CECR2: variants seen among roughly 807,000 people sequenced by gnomAD.
CECR2 encodes chromatin remodeling regulator CECR2.
In CECR2, 30 loss-of-function variants were observed where a neutral mutation model predicts 154.5. That is an observed-to-expected ratio of 0.19 (90% CI 0.15 to 0.26). The LOEUF (loss-of-function observed/expected upper bound fraction) is 0.26. CECR2 is among the 10% of genes least tolerant of loss of function. CECR2 has a pLI of 1.00. For synonymous variants in CECR2, 725 were observed against 683.7 expected, an observed-to-expected ratio of 1.06 and a Z score of -0.94; for missense variants, 1,743 against 1,829.3, an observed-to-expected ratio of 0.95 and a Z score of 0.86.
chr22:17,492,435 G>C (rs73389123), intron 2 of CECR2, among the ~76,000 whole-genome samples: 1 of 152,158 alleles, frequency 6.6e-6, no homozygotes, highest in Non-Finnish European at 1.5e-5. Context: ...GAATCAGGTC[G>C]TGCCGTCCTT....
chr22:17,485,742 C>T (rs1426291764), intron 2 of CECR2, among the ~76,000 whole-genome samples: 1 of 152,066 alleles, frequency 6.6e-6, no homozygotes, highest in Non-Finnish European at 1.5e-5. Context: ...TGCACTCCAG[C>T]CTGGGTAGCA....
chr22:17,545,716 G>A (rs1267457859), intron 16 of CECR2, among the ~76,000 whole-genome samples: 2 of 151,710 alleles, frequency 1.3e-5, no homozygotes, highest in South Asian at 2.1e-4. Flanking sequence ...AGTGGTGGGT[G>A]CCTGTAATCC....
At chr22:17,402,524 A>G (rs1346069850) in intron 1 of CECR2, among the ~76,000 whole-genome samples, 1 of 152,182 alleles carries the variant, frequency 6.6e-6, no homozygotes, top group Non-Finnish European at 1.5e-5. Flanking sequence ...CCAGTCAAAC[A>G]TTATTTATAA....
intron 1 of CECR2, among the ~76,000 whole-genome samples, chr22:17,443,144 CA>C (rs767655669): frequency 6.6e-6 from 1 of 152,104 alleles, no homozygotes; most frequent in Non-Finnish European, 1.5e-5. Context: ...TCTTAAAGGA[CA>C]AACGAAACTT....
intron 1 of CECR2, among the ~76,000 whole-genome samples, chr22:17,461,789 TTAC>T (rs1319877926): frequency 6.7e-6 from 1 of 150,246 alleles, no homozygotes; most frequent in Non-Finnish European, 1.5e-5. Flanking sequence ...GAAGTACCCG[TTAC>T]TTTTTTTTTT....
At chr22:17,403,753 C>CTGT (rs1227414507) in intron 1 of CECR2, among the ~76,000 whole-genome samples, 1 of 152,070 alleles carries the variant, frequency 6.6e-6, no homozygotes, top group Admixed American at 6.6e-5. Flanking sequence ...GTCTATTGAG[C>CTGT]TGTTATATAT....
intron 8 of CECR2, chr22:17,518,641 C>T (rs1263015053): frequency 1.4e-5 from 6 of 442,828 alleles, no homozygotes; most frequent in South Asian, 8.8e-5. Context: ...ACTCCATGCA[C>T]ACAGATTGAA....
At position 17,548,292 on chromosome 22, in the gene CECR2, G is replaced by T. The variant is rs1170806305; in HGVS notation, c.3005G>T (p.Gly1002Val). Residue 1002 changes from glycine to valine, a missense_variant, in exon 17 of 19, where the codon GGC (glycine) becomes GTC (valine). By Grantham distance (109) the Gly-to-Val change is moderately radical. Around this residue, in one of 4 missense-constraint regions of CECR2, gnomAD observed 1,250 missense variants for 1,192.1 expected, o/e 1.05. Transcript: ENST00000262608. ...TCACCACAAGAAAGGGAAACAGTGG[G>T]CCCGGAGCTCAAAAGCAGCTCCTCC... ...QSSPQERETVGPELKSSSSES... is the reference protein window; with the variant it reads ...QSSPQERETVVPELKSSSSES... The T allele has an allele frequency of 9.9e-6, 16 of 1,608,682 alleles. No individual in the cohort carries two copies. Among genetic ancestry groups the T allele is most frequent in the Non-Finnish European group, 1.4e-5 (16 of 1,177,536 alleles).
chr22:17,482,945 T>G (rs970512175), intron 2 of CECR2, among the ~76,000 whole-genome samples: 1 of 152,114 alleles, frequency 6.6e-6, no homozygotes, highest in Middle Eastern at 3.2e-3. Flanking sequence ...CCTCCCAAAG[T>G]GCTGGGATTA....
At chr22:17,383,701 G>A (rs1411762350) in intron 1 of CECR2, among the ~76,000 whole-genome samples, 1 of 108,528 alleles carries the variant, frequency 9.2e-6, no homozygotes, top group Admixed American at 1.4e-4. Context: ...TTGCTCTATT[G>A]CCCAGGCTGG....
intron 13 of CECR2, among the ~76,000 whole-genome samples, chr22:17,539,674 A>G (rs1034196633): frequency 6.6e-6 from 1 of 151,968 alleles, no homozygotes; most frequent in Admixed American, 6.6e-5. Flanking sequence ...ATAAAAATAT[A>G]TATCTATATA....
At chr22:17,515,902 C>T (rs1285232343) in intron 8 of CECR2, among the ~76,000 whole-genome samples, 1 of 152,164 alleles carries the variant, frequency 6.6e-6, no homozygotes, top group African/African-American at 2.4e-5. Flanking sequence ...GTCTCGATCT[C>T]CTGACCTCGT....
chr22:17,486,230 A>G (rs1378287175), intron 2 of CECR2, among the ~76,000 whole-genome samples: 1 of 152,210 alleles, frequency 6.6e-6, no homozygotes, highest in Non-Finnish European at 1.5e-5. Context: ...AGTACAGTTT[A>G]TTTTTTTACC....
chr22:17,488,980 T>G (rs780348031), intron 2 of CECR2, among the ~76,000 whole-genome samples: 21 of 152,248 alleles, frequency 1.4e-4, no homozygotes, highest in Non-Finnish European at 2.2e-4. Context: ...GACAAGAGTT[T>G]TGCTCTTTTT....
intron 1 of CECR2, among the ~76,000 whole-genome samples, chr22:17,383,061 C>T (rs2063218031): frequency 6.6e-6 from 1 of 152,052 alleles, no homozygotes; most frequent in African/African-American, 2.4e-5. Context: ...CCCATCTCTA[C>T]TAAAAAATAC....
intron 1 of CECR2, among the ~76,000 whole-genome samples, chr22:17,459,463 T>G (rs1474114110): frequency 6.6e-6 from 1 of 151,952 alleles, no homozygotes; most frequent in African/African-American, 2.4e-5. Context: ...AGCCAATTTT[T>G]TGTGTGTGTT....
At chr22:17,380,059 GT>G (rs66975267) in intron 1 of CECR2, among the ~76,000 whole-genome samples, 18,692 of 151,048 alleles carry the variant, frequency 0.12, 1,867 homozygotes, top group African/African-American at 0.27. Context: ...TCTGACCATT[GT>G]TTTTTTTTGT....
At position 17,397,918 on chromosome 22, in the gene CECR2, G is replaced by A. The variant is rs759601123; in HGVS notation, c.126+28009G>A. Among the ~76,000 whole-genome samples the A allele has an allele frequency of 2.2e-4, 34 of 152,212 alleles. 1 individual carries two copies. Among genetic ancestry groups the A allele is most frequent in the Non-Finnish European group, 4.3e-4 (29 of 68,012 alleles). On this transcript the variant is annotated intron_variant, in intron 1 of 18. Coordinates refer to ENST00000262608, the MANE Select transcript of CECR2 (RefSeq NM_001290047.2). ...TGGAACATTAGCACGAGTTTCCACC[G>A]TTTTGGGAAATTCTGTACCATGTCA...
intron 1 of CECR2, among the ~76,000 whole-genome samples, chr22:17,470,247 G>C (rs2055101805): frequency 6.6e-6 from 1 of 151,980 alleles, no homozygotes; most frequent in Admixed American, 6.6e-5. Context: ...AAACCAGCCT[G>C]ACCAACATGG....
Sources: allele counts gnomAD v4.1 joint callset (sites outside exome capture counted in the v4.1 genomes callset), GRCh38; gene constraint gnomAD v4.1.1; regional missense constraint gnomAD v4.1.1; transcripts MANE v1.5; gene names NCBI Gene and HGNC (gene_info 2026-07-23, HGNC 2026-07-21).